SUCLA2: variants seen among roughly 807,000 people sequenced by gnomAD.
SUCLA2 encodes succinate-CoA ligase ADP-forming subunit beta.
SUCLA2 carries 30 observed loss-of-function variants against 54.8 expected under a neutral mutation model. The ratio of observed to expected loss-of-function variants is 0.55; its 90% confidence interval spans 0.41 to 0.74. The LOEUF (loss-of-function observed/expected upper bound fraction) is 0.74. Ranked by LOEUF, SUCLA2 falls within the 30% of genes least tolerant of loss-of-function variation. The pLI is 0.00. For missense variants in SUCLA2, 476 were observed against 562.9 expected, an observed-to-expected ratio of 0.85 and a Z score of 1.56; for synonymous variants, 172 against 188.9, an observed-to-expected ratio of 0.91 and a Z score of 0.74.
intron 5 of SUCLA2, among the ~76,000 whole-genome samples, chr13:47,972,576 G>A (rs577924690): frequency 4.6e-5 from 7 of 150,582 alleles, no homozygotes; most frequent in African/African-American, 1.7e-4. Context: ...GGCTCAAACA[G>A]GAGAATTGCT....
chr13:47,946,932 ATGTTTTCTCAGACT>A (rs1349082657), intron 10 of SUCLA2, among the ~76,000 whole-genome samples: 2 of 152,194 alleles, frequency 1.3e-5, no homozygotes, highest in Non-Finnish European at 2.9e-5. Context: ...TAAAAAATAC[ATGTTTTCTCAGACT>A]TGCCACTTAA....
intron 4 of SUCLA2, chr13:47,987,841 T>C (rs963995136): frequency 5.9e-5 from 9 of 152,168 alleles, no homozygotes; most frequent in Admixed American, 5.9e-4. Context: ...AAAAACAAGC[T>C]AGTTAACACA....
intron 8 of SUCLA2, among the ~76,000 whole-genome samples, chr13:47,951,312 C>T (rs1466027513): frequency 1.5e-5 from 2 of 134,134 alleles, no homozygotes; most frequent in African/African-American, 5.4e-5. Flanking sequence ...TAGTCCGCCA[C>T]CCCGCCCCCG....
At chr13:47,981,949 C>G (rs1416989019) in intron 4 of SUCLA2, among the ~76,000 whole-genome samples, 2 of 152,202 alleles carry the variant, frequency 1.3e-5, no homozygotes, top group African/African-American at 4.8e-5. Flanking sequence ...TGCACTACTG[C>G]ACTCCAGCCT....
At chr13:47,978,822 G>GA (rs1950038195) in intron 4 of SUCLA2, among the ~76,000 whole-genome samples, 1 of 151,786 alleles carries the variant, frequency 6.6e-6, no homozygotes, top group African/African-American at 2.4e-5. Flanking sequence ...AAATTTACAA[G>GA]AAAAAAACAA....
intron 5 of SUCLA2, among the ~76,000 whole-genome samples, chr13:47,973,026 A>G (rs756737226): frequency 6.6e-6 from 1 of 152,026 alleles, no homozygotes; most frequent in Non-Finnish European, 1.5e-5. Context: ...CTGGGATTAC[A>G]GGCGTGAGAC....
In SUCLA2 at chr13:47,972,834, G is replaced by A. The variant is rs1337572805; in HGVS notation, c.663+430C>T. On this transcript the variant is annotated intron_variant, in intron 5 of 10. Transcript: ENST00000646932. Reference sequence around the variant, plus strand: ...ACAATCTCGGCTCACTGCAACCTCCGCCTCCTGGGTTCAAGCGATTCTTCT... The same window carrying A: ...ACAATCTCGGCTCACTGCAACCTCCACCTCCTGGGTTCAAGCGATTCTTCT... Among the ~76,000 whole-genome samples, 127 of 136,058 alleles carry A rather than the reference G, an allele frequency of 9.3e-4. 7 individuals carry two copies. The highest frequency in any genetic ancestry group is 3.4e-3 in the Admixed American group (42 of 12,342). The allele number at this position is 136,058 out of a possible 152,430, so 89.3% of individuals were successfully genotyped here.
At chr13:47,972,147 C>T (rs953057638) in intron 5 of SUCLA2, 2 of 310,522 alleles carry the variant, frequency 6.4e-6, no homozygotes, top group Admixed American at 5.1e-5. Flanking sequence ...CCCAGCTAGT[C>T]GGTAGGCTGA....
chr13:47,973,040 G>A (rs989520002), intron 5 of SUCLA2, among the ~76,000 whole-genome samples: 13 of 151,930 alleles, frequency 8.6e-5, no homozygotes, highest in Non-Finnish European at 1.8e-4. Flanking sequence ...GTGAGACACC[G>A]TGCCCGGCCA....
intron 5 of SUCLA2, among the ~76,000 whole-genome samples, chr13:47,969,007 T>C (rs1021826162): frequency 6.6e-6 from 1 of 152,210 alleles, no homozygotes; most frequent in Admixed American, 6.5e-5. Flanking sequence ...TCCAGTTCCA[T>C]AGTGTCCATA....
chr13:47,982,071 A>G (rs765735397), intron 4 of SUCLA2, among the ~76,000 whole-genome samples: 1 of 152,218 alleles, frequency 6.6e-6, no homozygotes, highest in African/African-American at 2.4e-5. Flanking sequence ...TAGAATTACC[A>G]TATGATCCAG....
chr13:47,948,727 C>T (rs1368160444), intron 10 of SUCLA2, among the ~76,000 whole-genome samples: 1 of 152,124 alleles, frequency 6.6e-6, no homozygotes, highest in Non-Finnish European at 1.5e-5. Context: ...TGCAAAACTC[C>T]ACTGCAGTAG....
chr13:47,965,981 G>A (rs542344818), intron 6 of SUCLA2, among the ~76,000 whole-genome samples: 106 of 152,294 alleles, frequency 7.0e-4, no homozygotes, highest in African/African-American at 2.5e-3. Flanking sequence ...CCGGGAGGTG[G>A]AGCTTGCAGT....
intron 6 of SUCLA2, among the ~76,000 whole-genome samples, chr13:47,955,409 C>T (rs985146488): frequency 1.8e-4 from 28 of 152,078 alleles, no homozygotes; most frequent in African/African-American, 5.8e-4. Flanking sequence ...GCCATGTTGG[C>T]CAGGCTGGTC....
chr13:47,958,825 T>C (rs972293042), intron 6 of SUCLA2, among the ~76,000 whole-genome samples: 1 of 152,242 alleles, frequency 6.6e-6, no homozygotes, highest in Non-Finnish European at 1.5e-5. Context: ...GAAATAACTT[T>C]AAATGATGGC....
Position 47,943,125 on chromosome 13 carries a change from T to C in SUCLA2, c.*246A>G. 2.1e-6 allele frequency: 1 copy of C among 468,354 alleles called. No individual in the cohort carries two copies. Among genetic ancestry groups the C allele is most frequent in the Non-Finnish European group, 3.9e-6 (1 of 259,062 alleles). The allele number at this position is 468,354 out of a possible 1,614,324, so 29.0% of individuals were successfully genotyped here. ...CTGGCAAATTGCAAGTTACGTTTTGTAGGAGAAGCAAAAAAGACTGGCTGC... is the reference window on the plus strand; with the variant it reads ...CTGGCAAATTGCAAGTTACGTTTTGCAGGAGAAGCAAAAAAGACTGGCTGC... On this transcript the variant is annotated 3_prime_UTR_variant, in exon 11 of 11. Transcript: ENST00000646932.
intron 2 of SUCLA2, among the ~76,000 whole-genome samples, chr13:47,991,958 A>G (rs979265042): frequency 8.6e-5 from 13 of 151,084 alleles, no homozygotes; most frequent in African/African-American, 3.2e-4. Context: ...TGAGAATACT[A>G]CAGGTTGTCT....
rs1555260547 is a variant in SUCLA2, at chr13:48,000,137, G to GAAAGA, written c.90+1042_90+1043insTCTTT. On this transcript the variant is annotated intron_variant, in intron 1 of 10. Coordinates refer to ENST00000646932, the MANE Select transcript of SUCLA2 (RefSeq NM_003850.3). ...AAGTATGAACAACTTCAATAAAAAT[G>GAAAGA]AAAAAAAAAAAAAAAGGTAGGGGCG... Among the ~76,000 whole-genome samples, 263 of 94,210 alleles carry GAAAGA rather than the reference G, an allele frequency of 2.8e-3. 2 individuals are homozygous for GAAAGA. The highest frequency in any genetic ancestry group is 5.3e-3 in the Admixed American group (52 of 9,744). The allele number at this position is 94,210 out of a possible 152,430, so 61.8% of individuals were successfully genotyped here.
At chr13:47,949,238 A>C (rs1368093253) in intron 9 of SUCLA2, among the ~76,000 whole-genome samples, 1 of 152,226 alleles carries the variant, frequency 6.6e-6, no homozygotes, top group Non-Finnish European at 1.5e-5. Flanking sequence ...TTGCTTAGTA[A>C]TTCAGGCAAG....
Sources: allele counts gnomAD v4.1 joint callset (sites outside exome capture counted in the v4.1 genomes callset), GRCh38; gene constraint gnomAD v4.1.1; transcripts MANE v1.5; gene names NCBI Gene and HGNC (gene_info 2026-07-23, HGNC 2026-07-21).